The following LONRF2 variants were observed in gnomAD, a reference collection of about 807,000 sequenced individuals.
The protein encoded by LONRF2 is LON peptidase N-terminal domain and RING finger protein 2.
Under a neutral mutation model 66.6 loss-of-function variants are expected in LONRF2, and 35 were observed. The observed-to-expected ratio is 0.53, with a 90% confidence interval of 0.40 to 0.70. The LOEUF (loss-of-function observed/expected upper bound fraction) is 0.70, where lower values mean the gene tolerates loss of function less well. Ranked by LOEUF, LONRF2 falls within the 30% of genes least tolerant of loss-of-function variation. The pLI is 0.00. For missense variants in LONRF2, 902 were observed against 1,002.1 expected (o/e 0.90, Z 1.35); for synonymous variants, 417 against 418.1 (o/e 1.00, Z 0.03).
rs1427483996 is a variant in LONRF2, at chr2:100,282,064, T to C, written c.*2234A>G. The C allele has an allele frequency of 6.6e-6, 1 of 152,160 alleles. No homozygotes were observed. The highest frequency in any genetic ancestry group is 6.5e-5 in the Admixed American group (1 of 15,270). 9.4% of individuals were successfully genotyped at this position (152,160 alleles called of 1,614,324 possible). A position where few individuals can be genotyped will look rare whatever the true frequency, so the allele number is the denominator to read the frequency against. On this transcript the variant is annotated 3_prime_UTR_variant, in exon 12 of 12. Transcript: ENST00000393437. ...CAGAGAGAGCACGATGTGATCATAG[T>C]TAATTCCCTCTGGTATCAAAAAAAT...
At chr2:100,305,957 C>T (rs938850695) in intron 2 of LONRF2, among the ~76,000 whole-genome samples, 38 of 152,098 alleles carry the variant, frequency 2.5e-4, no homozygotes, top group Non-Finnish European at 2.1e-4. Context: ...GGTGCCATCT[C>T]GGCTCACTGC....
intron 1 of LONRF2, among the ~76,000 whole-genome samples, chr2:100,318,189 G>A (rs1273344681): frequency 6.6e-6 from 1 of 152,052 alleles, no homozygotes; most frequent in Non-Finnish European, 1.5e-5. Flanking sequence ...CTGTTAACTT[G>A]CTTCTGAGTT....
intron 7 of LONRF2, among the ~76,000 whole-genome samples, chr2:100,296,253 T>C (rs1675064815): frequency 6.6e-6 from 1 of 152,178 alleles, no homozygotes; most frequent in Non-Finnish European, 1.5e-5. Context: ...GGTTGCACTG[T>C]TTTATTGCAG....
At chr2:100,299,999 A>T in intron 4 of LONRF2, 81 bp from the exon 5 acceptor site, 1 of 635,340 alleles carries the variant, frequency 1.6e-6, no homozygotes, top group Non-Finnish European at 2.4e-6. Flanking sequence ...AGCCTGTACT[A>T]GAAATCTTTG....
At position 100,309,149 on chromosome 2, in the gene LONRF2, T is replaced by G; in HGVS notation, c.756A>C (p.Gln252His). 1 of 1,606,868 alleles carries G rather than the reference T, an allele frequency of 6.2e-7. No individual in the cohort carries two copies. Among genetic ancestry groups the G allele is most frequent in the South Asian group, 1.1e-5 (1 of 89,482 alleles). ...CATTCTGACAAGCTGCACTGGCATC[T>G]TGGAGAGCTTGCTCATAGTTCTTCA... is the stretch of plus-strand genomic sequence containing the variant. ...LTMKNYEQAL[Q>H]DASAACQNEP... Residue 252 changes from glutamine (Q) to histidine (H), a missense_variant, in exon 2 of 12, where the codon CAA becomes CAC. Physicochemically the swap from Gln to His is conservative, Grantham distance 24. This residue lies in a region of LONRF2 where 585 missense variants were observed against 569.9 expected (regional missense o/e 1.03). Transcript: ENST00000393437.
intron 9 of LONRF2, among the ~76,000 whole-genome samples, chr2:100,290,851 T>A (rs1024276483): frequency 6.6e-6 from 1 of 152,148 alleles, no homozygotes; most frequent in Admixed American, 6.5e-5. Context: ...ATCACCCTTA[T>A]CCTAGTGATA....
chr2:100,291,743 T>A (rs1674963873), intron 9 of LONRF2, among the ~76,000 whole-genome samples: 1 of 152,026 alleles, frequency 6.6e-6, no homozygotes, highest in Non-Finnish European at 1.5e-5. Flanking sequence ...TACCTCTGCA[T>A]GTCCCTCCTG....
chr2:100,321,030 G>A (rs980227276), intron 1 of LONRF2, among the ~76,000 whole-genome samples: 8 of 152,138 alleles, frequency 5.3e-5, no homozygotes, highest in Non-Finnish European at 8.8e-5. Flanking sequence ...CCAGCACAAG[G>A]CACCCCTTTC....
At position 100,299,918 on chromosome 2, in the gene LONRF2, T is replaced by C; in HGVS notation, c.1066A>G (p.Asn356Asp). The change falls in exon 5 of 12, where the codon AAT (asparagine) becomes GAT (aspartate). Residue 356 changes from asparagine to aspartate, a missense_variant and splice_region_variant. Coordinates refer to ENST00000393437, the MANE Select transcript of LONRF2 (RefSeq NM_198461.4). ...LEEGDAGSSE[N>D]SSEKSDMLGN... is the part of the protein sequence containing the mutation. ...AGCATATCAGATTTCTCAGATGAAT[T>C]CTGGTTAAGTGGGAAAAAAAGGAAT... The C allele has an allele frequency of 6.2e-7, 1 of 1,601,740 alleles. No individual in the cohort carries two copies. Among genetic ancestry groups the C allele is most frequent in the Non-Finnish European group, 8.5e-7 (1 of 1,171,060 alleles).
rs1412733535 is a variant in LONRF2 at position 100,309,110 on chromosome 2, A to G, written c.795T>C (p.Ile265=). The change falls in exon 2 of 12, where the codon ATT becomes ATC. Residue 265 remains isoleucine (I), a synonymous_variant. Coordinates refer to ENST00000393437, the MANE Select transcript of LONRF2 (RefSeq NM_198461.4). ...SAACQNEPLL[I]KGHQVKAQAL... ...CAAAGCTAACAAATACAAATACCTTAATCAAGAGAGGTTCATTCTGACAAG... is the reference window on the plus strand; with the variant it reads ...CAAAGCTAACAAATACAAATACCTTGATCAAGAGAGGTTCATTCTGACAAG... 1.1e-5 allele frequency: 18 copies of G among 1,566,240 alleles called. No homozygotes were observed. Among genetic ancestry groups the G allele is most frequent in the Non-Finnish European group, 1.6e-5 (18 of 1,155,242 alleles).
At chr2:100,311,665 T>C (rs1675411349) in intron 1 of LONRF2, among the ~76,000 whole-genome samples, 1 of 152,198 alleles carries the variant, frequency 6.6e-6, no homozygotes, top group South Asian at 2.1e-4. Flanking sequence ...TGTTTTAACA[T>C]AAAATATGTT....
At chr2:100,297,820 G>C (rs1190843843) in intron 7 of LONRF2, among the ~76,000 whole-genome samples, 1 of 152,174 alleles carries the variant, frequency 6.6e-6, no homozygotes, top group Non-Finnish European at 1.5e-5. Flanking sequence ...AATAAAGCAA[G>C]TATGTGCATA....
Position 100,295,490 on chromosome 2 carries a change from G to A in LONRF2, c.1540C>T (p.Pro514Ser). 3 of 1,612,956 alleles carry A rather than the reference G, an allele frequency of 1.9e-6. No individual in the cohort carries two copies. Among genetic ancestry groups the A allele is most frequent in the Non-Finnish European group, 2.5e-6 (3 of 1,179,378 alleles). ...CTCTTCCTATCAGACAATTCATCCG[G>A]CAAATATCGAAATATTAATTCTTCG... is the stretch of plus-strand genomic sequence containing the variant. ...LAEELIFRYLPDELSDRKRIY... is the reference protein window; with the variant it reads ...LAEELIFRYLSDELSDRKRIY... The change falls in exon 8 of 12, where the codon CCG becomes TCG. Residue 514 changes from proline to serine, a missense_variant. By Grantham distance (74) the Pro-to-Ser change is moderately conservative. Coordinates refer to ENST00000393437, the MANE Select transcript of LONRF2 (RefSeq NM_198461.4).
intron 1 of LONRF2, among the ~76,000 whole-genome samples, chr2:100,314,587 G>A (rs1675469867): frequency 6.6e-6 from 1 of 152,142 alleles, no homozygotes; most frequent in Non-Finnish European, 1.5e-5. Context: ...CTGAGGAACA[G>A]AAGTTTTATT....
At chr2:100,318,975 C>G (rs1011967049) in intron 1 of LONRF2, among the ~76,000 whole-genome samples, 2 of 151,164 alleles carry the variant, frequency 1.3e-5, no homozygotes, top group African/African-American at 4.9e-5. Context: ...ACTAAAAATA[C>G]AAAAATTAGC....
At chr2:100,293,550 C>T (rs1164029440) in intron 9 of LONRF2, among the ~76,000 whole-genome samples, 2 of 152,084 alleles carry the variant, frequency 1.3e-5, no homozygotes, top group Non-Finnish European at 2.9e-5. Flanking sequence ...TGACAAGGCC[C>T]TAAGGGATGG....
At chr2:100,292,274 G>A (rs773064794) in intron 9 of LONRF2, among the ~76,000 whole-genome samples, 6 of 152,164 alleles carry the variant, frequency 3.9e-5, no homozygotes, top group Non-Finnish European at 7.3e-5. Context: ...TTGCTGCAGG[G>A]CATGACTCAT....
chr2:100,322,048 C>A lies in LONRF2; in HGVS notation c.46G>T (p.Gly16Cys). ...VPPPPPPQCP[G>C]CDRAEPIAQR... ...GCGATCGGCTCCGCGCGGTCGCAGC[C>A]AGGACACTGGGGCGGCGGCGGCGGC... Residue 16 changes from glycine to cysteine, a missense_variant, in exon 1 of 12, where the codon GGC becomes TGC. By Grantham distance (159) the Gly-to-Cys change is radical (BLOSUM62 -3). This residue lies in a region of LONRF2 where 585 missense variants were observed against 569.9 expected (regional missense o/e 1.03). Coordinates refer to ENST00000393437, the MANE Select transcript of LONRF2 (RefSeq NM_198461.4). 1 of 1,332,628 alleles carries A rather than the reference C, an allele frequency of 7.5e-7. No individual in the cohort carries two copies. The highest frequency in any genetic ancestry group is 9.6e-7 in the Non-Finnish European group (1 of 1,043,104). 82.6% of individuals were successfully genotyped at this position (1,332,628 alleles called of 1,614,324 possible). A position where few individuals can be genotyped will look rare whatever the true frequency, so the allele number is the denominator to read the frequency against.
At chr2:100,290,118 A>C in intron 10 of LONRF2, 140 bp downstream of exon 10, 1 of 848,824 alleles carries the variant, frequency 1.2e-6, no homozygotes, top group Non-Finnish European at 1.7e-6. Flanking sequence ...AAAATAAACA[A>C]ATAGATAAAT....
Sources: allele counts gnomAD v4.1 joint callset (sites outside exome capture counted in the v4.1 genomes callset), GRCh38; gene constraint gnomAD v4.1.1; regional missense constraint gnomAD v4.1.1; transcripts MANE v1.5; gene names NCBI Gene and HGNC (gene_info 2026-07-23, HGNC 2026-07-21).